The following DYNC1I1 variants were observed in gnomAD, a reference collection of about 807,000 sequenced individuals.
The protein encoded by DYNC1I1 is dynein cytoplasmic 1 intermediate chain 1, also known as cytoplasmic dynein 1 intermediate chain 1.
DYNC1I1 carries 43 observed loss-of-function variants against 86.6 expected under a neutral mutation model. The observed-to-expected ratio is 0.50, with a 90% CI of 0.39 to 0.64. The LOEUF (loss-of-function observed/expected upper bound fraction) is 0.64. DYNC1I1 is among the 30% of genes least tolerant of loss of function. DYNC1I1 has a pLI of 0.00. For missense variants in DYNC1I1, 604 were observed against 788.8 expected (o/e 0.77, Z 2.81); for synonymous variants, 262 against 283.7 (o/e 0.92, Z 0.77).
At chr7:96,089,807 G>A (rs1285675061) in intron 16 of DYNC1I1, among the ~76,000 whole-genome samples, 2 of 152,244 alleles carry the variant, frequency 1.3e-5, no homozygotes, top group East Asian at 1.9e-4. Context: ...CTTGGTAAAT[G>A]TTTTTAAGGT....
intron 4 of DYNC1I1, among the ~76,000 whole-genome samples, chr7:95,822,952 G>A (rs746906779): frequency 1.2e-4 from 19 of 152,158 alleles, no homozygotes; most frequent in South Asian, 2.1e-4. Context: ...AGGTCATGGT[G>A]GGGGAGGGCA....
intron 6 of DYNC1I1, among the ~76,000 whole-genome samples, chr7:95,963,224 C>G (rs1396843841): frequency 6.6e-6 from 1 of 152,158 alleles, no homozygotes; most frequent in East Asian, 1.9e-4. Context: ...TGTCCTATCT[C>G]CACCACTTGT....
chr7:95,912,476 G>A lies in DYNC1I1; in HGVS notation c.490+42478G>A, dbSNP rs139943394. Among the ~76,000 whole-genome samples the A allele has an allele frequency of 6.4e-3, 982 of 152,342 alleles. 9 individuals are homozygous for A. Among genetic ancestry groups the A allele is most frequent in the Non-Finnish European group, 0.01 (686 of 68,030 alleles). ...ATCTCTCTTGTTCAGGGTGTGCAGT[G>A]CATGTGGCTCAGGTTGAAGAGCTGG... On this transcript the variant is annotated intron_variant, in intron 6 of 16. Coordinates refer to ENST00000447467, the MANE Select transcript of DYNC1I1 (RefSeq NM_001135556.2).
chr7:96,098,088 G>T lies in DYNC1I1; in HGVS notation c.*495G>T. 1.0e-6 allele frequency: 1 copy of T among 988,456 alleles called. No homozygotes were observed. The highest frequency in any genetic ancestry group is 1.2e-6 in the Non-Finnish European group (1 of 831,446). The allele number at this position is 988,456 out of a possible 1,614,324, so 61.2% of individuals were successfully genotyped here. ...AGAACATTGCTGCTCCTTATTTATT[G>T]TAGTGTGCTGCATGGAACGTATTTA... On this transcript the variant is annotated 3_prime_UTR_variant, in exon 17 of 17. Coordinates refer to ENST00000447467, the MANE Select transcript of DYNC1I1 (RefSeq NM_001135556.2).
chr7:95,897,004 A>G (rs1314652764), intron 6 of DYNC1I1, among the ~76,000 whole-genome samples: 1 of 152,226 alleles, frequency 6.6e-6, no homozygotes, highest in African/African-American at 2.4e-5. Context: ...AGACCAACAT[A>G]GAAATTTATC....
chr7:95,976,845 A>G (rs551903876), intron 6 of DYNC1I1, among the ~76,000 whole-genome samples: 1 of 152,308 alleles, frequency 6.6e-6, no homozygotes, highest in South Asian at 2.1e-4. Context: ...ATGAGCATAC[A>G]TTTGCATAGG....
chr7:95,794,918 A>G (rs1045242681), intron 1 of DYNC1I1, among the ~76,000 whole-genome samples: 3 of 152,216 alleles, frequency 2.0e-5, no homozygotes, highest in African/African-American at 7.2e-5. Context: ...TAATGTTTCA[A>G]CTGTGTGTAT....
downstream of DYNC1I1, among the ~76,000 whole-genome samples, chr7:96,101,487 A>G (rs534482537): frequency 2.9e-4 from 44 of 152,326 alleles, no homozygotes; most frequent in African/African-American, 1.1e-3. Context: ...CTTCCCCAAA[A>G]GGACCTATGG....
At chr7:95,929,148 C>T (rs190027603) in intron 6 of DYNC1I1, among the ~76,000 whole-genome samples, 5 of 152,244 alleles carry the variant, frequency 3.3e-5, no homozygotes, top group African/African-American at 1.2e-4. Flanking sequence ...CATATTCTAT[C>T]ACTAGTATTT....
downstream of DYNC1I1, among the ~76,000 whole-genome samples, chr7:96,102,251 A>C (rs539558669): frequency 1.1e-4 from 17 of 152,304 alleles, no homozygotes; most frequent in African/African-American, 4.1e-4. Flanking sequence ...TAATACTCCA[A>C]AGATGCCTAG....
intron 1 of DYNC1I1, among the ~76,000 whole-genome samples, chr7:95,783,149 G>A (rs1457064196): frequency 6.6e-6 from 1 of 152,124 alleles, no homozygotes; most frequent in Non-Finnish European, 1.5e-5. Context: ...CTTCTACCCA[G>A]TATTTCCTTG....
chr7:95,869,315 C>T (rs1790098901), intron 5 of DYNC1I1, among the ~76,000 whole-genome samples: 1 of 152,154 alleles, frequency 6.6e-6, no homozygotes, highest in Non-Finnish European at 1.5e-5. Flanking sequence ...TGCCCCCTTT[C>T]ACTCATCTGT....
At chr7:95,857,910 G>A (rs1186272967) in intron 5 of DYNC1I1, among the ~76,000 whole-genome samples, 2 of 152,190 alleles carry the variant, frequency 1.3e-5, no homozygotes, top group Non-Finnish European at 2.9e-5. Context: ...CAGCATCATA[G>A]TCACATCTAG....
At chr7:96,027,288 C>T (rs959090724) in intron 10 of DYNC1I1, among the ~76,000 whole-genome samples, 3 of 152,134 alleles carry the variant, frequency 2.0e-5, no homozygotes, top group African/African-American at 7.2e-5. Context: ...AATGTATTGA[C>T]TAAAAACAAT....
intron 6 of DYNC1I1, among the ~76,000 whole-genome samples, chr7:95,898,794 A>C (rs561168922): frequency 6.6e-6 from 1 of 152,224 alleles, no homozygotes; most frequent in African/African-American, 2.4e-5. Flanking sequence ...AAACGCTTTC[A>C]TGAGCTTAAA....
chr7:95,934,970 G>C lies in DYNC1I1; in HGVS notation c.491-42542G>C, dbSNP rs889514960. 2.0e-5 allele frequency among the ~76,000 whole-genome samples: 3 copies of C among 151,446 alleles called. No individual in the cohort carries two copies. The East Asian group carries it at 5.8e-4, about 29-fold the overall frequency. ...TTTTGTTTTGTGTGTGTGTGTGTGT[G>C]TGTGTCTGTGTTAGAAACACTTAAC... On this transcript the variant is annotated intron_variant, in intron 6 of 16. Coordinates refer to ENST00000447467, the MANE Select transcript of DYNC1I1 (RefSeq NM_001135556.2).
intron 6 of DYNC1I1, among the ~76,000 whole-genome samples, chr7:95,872,214 G>C (rs777709554): frequency 2.6e-5 from 4 of 152,188 alleles, no homozygotes; most frequent in African/African-American, 4.8e-5. Flanking sequence ...CCATGGCAAT[G>C]TTTTCATGAA....
At chr7:96,036,432 C>A (rs1412348439) in intron 13 of DYNC1I1, among the ~76,000 whole-genome samples, 9 of 152,096 alleles carry the variant, frequency 5.9e-5, no homozygotes, top group Admixed American at 2.6e-4. Context: ...ATGGTAAGTG[C>A]AATGGAGAAA....
intron 6 of DYNC1I1, among the ~76,000 whole-genome samples, chr7:95,895,529 C>T (rs1293454830): frequency 1.3e-5 from 2 of 152,214 alleles, no homozygotes; most frequent in African/African-American, 4.8e-5. Context: ...TGGAAAACTT[C>T]TTGAACCACC....
Sources: gnomAD v4.1 joint callset for allele counts (sites outside exome capture counted in the v4.1 genomes callset) on GRCh38, gnomAD v4.1.1 for gene constraint, MANE v1.5 for transcripts, NCBI Gene and HGNC (gene_info 2026-07-23, HGNC 2026-07-21) for gene names.